SCML2: variants seen among roughly 807,000 people sequenced by gnomAD.
SCML2 encodes Scm polycomb group protein like 2.
A neutral mutation model predicts 48.4 loss-of-function variants in SCML2; 6 were observed. The observed-to-expected ratio is 0.12, with a 90% CI of 0.07 to 0.24. The LOEUF is 0.24. Among genes scored for constraint, SCML2 ranks in the 10% least tolerant of loss-of-function variants. SCML2 has a pLI of 1.00. For synonymous variants in SCML2, 181 were observed against 189.5 expected, an observed-to-expected ratio of 0.95 and a Z score of 0.37; for missense variants, 377 against 528.2, an observed-to-expected ratio of 0.71 and a Z score of 2.81.
At chrX:18,295,642 A>G (rs1337427992) in intron 7 of SCML2, among the ~76,000 whole-genome samples, 2 of 77,479 alleles carry the variant, frequency 2.6e-5, no homozygotes, top group Admixed American at 4.3e-4. Flanking sequence ...CTATCAAGCC[A>G]CCTGCAAGCC....
chrX:18,340,355 G>A (rs1440102875), intron 1 of SCML2, among the ~76,000 whole-genome samples: 2 of 112,331 alleles, frequency 1.8e-5, no homozygotes, highest in Non-Finnish European at 3.8e-5. Context: ...GTTGCAGTAA[G>A]CTGAGATCAC....
intron 7 of SCML2, among the ~76,000 whole-genome samples, chrX:18,290,585 C>T (rs1257095378): frequency 2.7e-5 from 3 of 111,628 alleles, no homozygotes; most frequent in Non-Finnish European, 5.6e-5. Flanking sequence ...AAGTTAAAAA[C>T]TTTGAACATC....
intron 1 of SCML2, among the ~76,000 whole-genome samples, chrX:18,349,822 C>T (rs1379931723): frequency 8.9e-6 from 1 of 112,051 alleles, no homozygotes; most frequent in Non-Finnish European, 1.9e-5. Flanking sequence ...AAAAAAAACC[C>T]AGTATTATTT....
chrX:18,336,502 C>T (rs1929819938), intron 1 of SCML2, among the ~76,000 whole-genome samples: 2 of 105,459 alleles, frequency 1.9e-5, no homozygotes, highest in South Asian at 8.4e-4. Flanking sequence ...TTTTGGAGGC[C>T]GAGGCGGGGG....
intron 1 of SCML2, among the ~76,000 whole-genome samples, chrX:18,336,107 G>C (rs1291390049): frequency 1.8e-5 from 2 of 111,785 alleles, no homozygotes; most frequent in Non-Finnish European, 1.9e-5. Context: ...TTTCAACTCA[G>C]GGAACAAGGT....
chrX:18,251,309 CAAAAAAAAAAAAAAAA>C (rs750658948), intron 11 of SCML2, among the ~76,000 whole-genome samples: 5 of 6,772 alleles, frequency 7.4e-4, no homozygotes, highest in Admixed American at 2.2e-3. Context: ...GATTCCATTG[CAAAAAAAAAAAAAAAA>C]AAAAAAAAAA....
rs1336367050 is a variant in SCML2, at chrX:18,277,046, A to G, written c.731-11244T>C. 2.7e-5 allele frequency among the ~76,000 whole-genome samples: 3 copies of G among 110,562 alleles called. No individual in the cohort carries two copies. The Admixed American group carries it at 2.9e-4, about 11-fold the overall frequency. ...AACAAACAAAAAAACCAACCTTGGG[A>G]TAAATAAAAACAAGGAAGAAAATTT... On this transcript the variant is annotated intron_variant, in intron 7 of 14. Transcript: ENST00000251900.
chrX:18,279,428 G>C (rs940538546), intron 7 of SCML2, among the ~76,000 whole-genome samples: 2 of 112,289 alleles, frequency 1.8e-5, no homozygotes, highest in African/African-American at 6.5e-5. Context: ...TCCTAGATGA[G>C]AAAGAATCAG....
chrX:18,338,919 T>TA (rs374703842), intron 1 of SCML2, among the ~76,000 whole-genome samples: 74 of 76,388 alleles, frequency 9.7e-4, no homozygotes, highest in South Asian at 1.2e-3. Context: ...CCTGTCTCAT[T>TA]AAAAAAAAAA....
At chrX:18,276,356 G>C (rs1262229439) in intron 7 of SCML2, among the ~76,000 whole-genome samples, 5 of 109,971 alleles carry the variant, frequency 4.5e-5, no homozygotes, top group African/African-American at 1.7e-4. Context: ...TACCATATGA[G>C]CTACCAATTC....
Position 18,294,662 on chromosome X carries a change from T to C in SCML2, c.730+10310A>G, listed in dbSNP as rs1228171851. Among the ~76,000 whole-genome samples, 5 of 109,963 alleles carry C rather than the reference T, an allele frequency of 4.5e-5. No individual in the cohort carries two copies. The East Asian group carries it at 1.1e-3, about 25-fold the overall frequency. On this transcript the variant is annotated intron_variant, in intron 7 of 14. Transcript: ENST00000251900. Reference sequence around the variant, plus strand: ...AGAGCCCCACCAACATCTCCCAACATCCACCCAGAGGGCTGCAGTGGCACA... The same window carrying C: ...AGAGCCCCACCAACATCTCCCAACACCCACCCAGAGGGCTGCAGTGGCACA...
intron 7 of SCML2, among the ~76,000 whole-genome samples, chrX:18,274,740 C>T (rs1254414012): frequency 9.0e-6 from 1 of 111,695 alleles, no homozygotes; most frequent in Non-Finnish European, 1.9e-5. Context: ...TCCCAACCAT[C>T]GGAATGGACT....
Position 18,247,917 on chromosome X carries a change from C to T in SCML2, c.1457-35G>A, listed in dbSNP as rs371533336. The T allele has an allele frequency of 1.2e-4, 116 of 993,045 alleles. No homozygotes were observed. In the East Asian group the frequency reaches 1.6e-3, roughly 14 times the overall value. 81.8% of individuals were successfully genotyped at this position (993,045 alleles called of 1,213,427 possible). ...AAGAAAAAACAGTTGTCTGTTATAACGAACTAATATACTCAAGCATTTTCA... is the reference window on the plus strand; with the variant it reads ...AAGAAAAAACAGTTGTCTGTTATAATGAACTAATATACTCAAGCATTTTCA... On this transcript the variant is annotated intron_variant, in intron 11 of 14. Coordinates refer to ENST00000251900, the MANE Select transcript of SCML2 (RefSeq NM_006089.3).
At position 18,241,119 on chromosome X, in the gene SCML2, A is replaced by G; in HGVS notation, c.*132T>C. 1 of 574,866 alleles carries G rather than the reference A, an allele frequency of 1.7e-6. No homozygotes were observed. Among genetic ancestry groups the G allele is most frequent in the Non-Finnish European group, 2.5e-6 (1 of 401,990 alleles). 47.4% of individuals were successfully genotyped at this position (574,866 alleles called of 1,213,427 possible). A position where few individuals can be genotyped will look rare whatever the true frequency, so the allele number is the denominator to read the frequency against. ...ACAAAGTTGACTGAACTGTTACTAC[A>G]GTTCTGCAATTCTGATAAAATATTT... On this transcript the variant is annotated 3_prime_UTR_variant, in exon 15 of 15. Transcript: ENST00000251900.
At chrX:18,301,107 A>C (rs1445228306) in intron 7 of SCML2, among the ~76,000 whole-genome samples, 1 of 112,198 alleles carries the variant, frequency 8.9e-6, no homozygotes, top group East Asian at 2.8e-4. Flanking sequence ...TGAAAAGAAA[A>C]GAATTATTGG....
intron 8 of SCML2, among the ~76,000 whole-genome samples, chrX:18,260,702 G>A (rs1289985554): frequency 9.1e-6 from 1 of 110,017 alleles, no homozygotes; most frequent in Non-Finnish European, 1.9e-5. Context: ...GCAAGGCAGA[G>A]GACAGAGTTT....
intron 7 of SCML2, among the ~76,000 whole-genome samples, chrX:18,297,600 C>G (rs758786754): frequency 8.9e-6 from 1 of 111,765 alleles, no homozygotes; most frequent in South Asian, 3.7e-4. Context: ...TTGCAAGATA[C>G]AAAATCAACA....
At chrX:18,288,399 T>G (rs1189836752) in intron 7 of SCML2, among the ~76,000 whole-genome samples, 1 of 111,810 alleles carries the variant, frequency 8.9e-6, no homozygotes, top group African/African-American at 3.2e-5. Flanking sequence ...AACTGGTGAT[T>G]TAAATGATCA....
At chrX:18,316,862 G>A (rs1337030536) in intron 6 of SCML2, among the ~76,000 whole-genome samples, 1 of 112,266 alleles carries the variant, frequency 8.9e-6, no homozygotes, top group African/African-American at 3.2e-5. Flanking sequence ...CACATGCGAG[G>A]AATCTACATT....
Sources: allele counts gnomAD v4.1 joint callset (sites outside exome capture counted in the v4.1 genomes callset), GRCh38; gene constraint gnomAD v4.1.1; transcripts MANE v1.5; gene names NCBI Gene and HGNC (gene_info 2026-07-23, HGNC 2026-07-21).